Variants in DNER observed in about 807,000 individuals in gnomAD.
DNER encodes delta and Notch-like epidermal growth factor-related receptor.
Under a neutral mutation model 78.2 loss-of-function variants are expected in DNER, and 33 were observed. That is an observed-to-expected ratio of 0.42 (90% CI 0.32 to 0.56). The LOEUF (loss-of-function observed/expected upper bound fraction) is 0.56. Among genes scored for constraint, DNER ranks in the 20% least tolerant of loss-of-function variants. The pLI, the probability that DNER is intolerant of heterozygous loss-of-function variation, is 0.11. For synonymous variants in DNER, 417 were observed against 384.8 expected, an observed-to-expected ratio of 1.08 and a Z score of -0.98; for missense variants, 918 against 975.3, an observed-to-expected ratio of 0.94 and a Z score of 0.78.
intron 1 of DNER, among the ~76,000 whole-genome samples, chr2:229,688,463 G>A (rs762327649): frequency 2.0e-5 from 3 of 152,144 alleles, no homozygotes; most frequent in Non-Finnish European, 1.5e-5. Context: ...GTTTGCATTG[G>A]CCAGATACAT....
chr2:229,531,966 A>T (rs925578465), intron 5 of DNER, among the ~76,000 whole-genome samples: 9 of 152,164 alleles, frequency 5.9e-5, no homozygotes, highest in African/African-American at 2.2e-4. Context: ...ACAGAGACAG[A>T]ATGCAGATTG....
At chr2:229,582,728 C>G (rs964017808) in intron 4 of DNER, among the ~76,000 whole-genome samples, 1 of 152,074 alleles carries the variant, frequency 6.6e-6, no homozygotes, top group Admixed American at 6.6e-5. Flanking sequence ...CAAGCTCCGC[C>G]TCCCGGGTTC....
chr2:229,552,867 G>A (rs1696775202), intron 4 of DNER, among the ~76,000 whole-genome samples: 1 of 152,138 alleles, frequency 6.6e-6, no homozygotes, highest in Non-Finnish European at 1.5e-5. Context: ...TATGGGAGGA[G>A]AGGAGCCAGA....
rs5839345 is a variant in DNER at position 229,644,334 on chromosome 2, C to CTTT, written c.277-52449_277-52447dup. 2.0e-3 allele frequency among the ~76,000 whole-genome samples: 198 copies of CTTT among 97,526 alleles called. 15 individuals are homozygous for CTTT. The highest frequency in any genetic ancestry group is 7.8e-3 in the African/African-American group (174 of 22,312). The allele number at this position is 97,526 out of a possible 152,430, so 64.0% of individuals were successfully genotyped here. ...AAGTATGATGACTGTCTTGCTTTCT[C>CTTT]TTTTTTTTTTTTTTTTTTTTTTTTT... On this transcript the variant is annotated intron_variant, in intron 1 of 12. Coordinates refer to ENST00000341772, the MANE Select transcript of DNER (RefSeq NM_139072.4).
chr2:229,383,476 T>C (rs928697312), intron 11 of DNER, among the ~76,000 whole-genome samples: 4 of 152,014 alleles, frequency 2.6e-5, no homozygotes, highest in Admixed American at 2.0e-4. Flanking sequence ...GCAAATTGCA[T>C]AGAGTCAAGA....
intron 2 of DNER, among the ~76,000 whole-genome samples, chr2:229,590,958 C>T (rs905083492): frequency 6.6e-6 from 1 of 152,210 alleles, no homozygotes; most frequent in Non-Finnish European, 1.5e-5. Flanking sequence ...TGGGACCTCT[C>T]CCTTCCCTCT....
intron 10 of DNER, among the ~76,000 whole-genome samples, chr2:229,404,574 G>A (rs910023403): frequency 1.3e-5 from 2 of 152,264 alleles, no homozygotes; most frequent in East Asian, 1.9e-4. Context: ...CATATCAGAT[G>A]ATATCAAAAT....
At position 229,631,945 on chromosome 2, in the gene DNER, T is replaced by A. The variant is rs541808794; in HGVS notation, c.277-40057A>T. ...AAATGTCAGCGAGAATTATTTCCAT[T>A]ATGGTCACTCTTATTACTAATTCTA... On this transcript the variant is annotated intron_variant, in intron 1 of 12. Transcript: ENST00000341772. Among the ~76,000 whole-genome samples, 8 of 152,318 alleles carry A rather than the reference T, an allele frequency of 5.3e-5. No individual in the cohort carries two copies. In the South Asian group the frequency reaches 1.7e-3, roughly 32 times the overall value.
chr2:229,549,007 G>A (rs962126), intron 4 of DNER, among the ~76,000 whole-genome samples: 4,487 of 152,210 alleles, frequency 0.029, 196 homozygotes, highest in African/African-American at 0.094. Context: ...AGAATATATG[G>A]AGAATTTTTT....
At chr2:229,593,952 GC>G (rs1559176746) in intron 1 of DNER, among the ~76,000 whole-genome samples, 2 of 152,204 alleles carry the variant, frequency 1.3e-5, no homozygotes. Flanking sequence ...CCTCCATTGC[GC>G]AGCTTAGAGA....
intron 1 of DNER, among the ~76,000 whole-genome samples, chr2:229,652,602 C>A (rs1008635615): frequency 2.0e-5 from 3 of 152,196 alleles, no homozygotes; most frequent in African/African-American, 7.2e-5. Context: ...AGGGAGGCAA[C>A]CTGACTGCTC....
intron 1 of DNER, among the ~76,000 whole-genome samples, chr2:229,709,939 C>A (rs75972869): frequency 0.043 from 6,619 of 152,250 alleles, 439 homozygotes; most frequent in African/African-American, 0.14. Flanking sequence ...ATTGGCCCAG[C>A]CACTGCCACC....
intron 1 of DNER, among the ~76,000 whole-genome samples, chr2:229,709,313 TTGTTAGTCCATGTTAGAGATA>T (rs1221587250): frequency 6.6e-6 from 1 of 152,222 alleles, no homozygotes; most frequent in Non-Finnish European, 1.5e-5. Flanking sequence ...AAGATAAGCA[TTGTTAGTCCATGTTAGAGATA>T]TGAACATTGA....
chr2:229,693,116 C>T (rs1211229681), intron 1 of DNER, among the ~76,000 whole-genome samples: 1 of 151,924 alleles, frequency 6.6e-6, no homozygotes, highest in Non-Finnish European at 1.5e-5. Flanking sequence ...GTAACTGAAT[C>T]ATGGGGGCAG....
chr2:229,477,118 T>C, intron 7 of DNER, 22 bp downstream of exon 7: 5 of 1,579,298 alleles, frequency 3.2e-6, no homozygotes, highest in Non-Finnish European at 4.3e-6. Context: ...AAGTTCTTTC[T>C]GGAGTAATAA....
chr2:229,429,871 G>A (rs1225824500), intron 8 of DNER, among the ~76,000 whole-genome samples: 1 of 152,086 alleles, frequency 6.6e-6, no homozygotes, highest in African/African-American at 2.4e-5. Flanking sequence ...ATTAACCTCG[G>A]GGCTGGATCT....
chr2:229,525,319 AAG>A (rs1285735539), intron 5 of DNER, among the ~76,000 whole-genome samples: 1 of 152,208 alleles, frequency 6.6e-6, no homozygotes, highest in African/African-American at 2.4e-5. Flanking sequence ...GTCTAATGCA[AAG>A]AGAGAGACTG....
At chr2:229,459,368 C>T (rs1485214109) in intron 7 of DNER, among the ~76,000 whole-genome samples, 1 of 151,950 alleles carries the variant, frequency 6.6e-6, no homozygotes, top group Non-Finnish European at 1.5e-5. Context: ...CTGTATGCAT[C>T]CAGTAGTTAT....
At position 229,668,838 on chromosome 2, in the gene DNER, A is replaced by T. The variant is rs911326406; in HGVS notation, c.276+45310T>A. Among the ~76,000 whole-genome samples the T allele has an allele frequency of 9.2e-5, 14 of 151,902 alleles. No homozygotes were observed. The East Asian group carries it at 2.5e-3, about 27-fold the overall frequency. ...GATTCCTCAAAGATCTAGAACCAGA[A>T]ATACCATTTGACCCAGCAATTCCAT... On this transcript the variant is annotated intron_variant, in intron 1 of 12. Coordinates refer to ENST00000341772, the MANE Select transcript of DNER (RefSeq NM_139072.4).
Sources: gnomAD v4.1 joint callset for allele counts (sites outside exome capture counted in the v4.1 genomes callset) on GRCh38, gnomAD v4.1.1 for gene constraint, MANE v1.5 for transcripts, NCBI Gene and HGNC (gene_info 2026-07-23, HGNC 2026-07-21) for gene names.